The following ACTR3C variants were observed in gnomAD, a reference collection of about 807,000 sequenced individuals.
ACTR3C encodes actin related protein 3C.
Under a neutral mutation model 26.3 loss-of-function variants are expected in ACTR3C, and 18 were observed. That is an observed-to-expected ratio of 0.68 (90% CI 0.47 to 1.01). The LOEUF is 1.01. ACTR3C is among the 50% of genes least tolerant of loss of function. The probability of loss-of-function intolerance (pLI) is 0.00; values close to 1 mark genes in which losing one functional copy is unlikely to be tolerated. For missense variants in ACTR3C, 184 were observed against 250.7 expected (o/e 0.73, Z 1.80); for synonymous variants, 55 against 94.5 (o/e 0.58, Z 2.42).
the ACTR3C span, among the ~76,000 whole-genome samples, chr7:150,155,525 T>G: frequency 3.0e-4 from 46 of 152,122 alleles, no homozygotes; most frequent in Non-Finnish European, 6.5e-4. Flanking sequence ...ACACACAACG[T>G]TTACATAAGT....
chr7:150,187,083 A>G, the ACTR3C span, among the ~76,000 whole-genome samples: 1 of 151,870 alleles, frequency 6.6e-6, no homozygotes, highest in South Asian at 2.1e-4. Context: ...CAGGAACACA[A>G]TATGAGCAAT....
the ACTR3C span, among the ~76,000 whole-genome samples, chr7:150,143,381 C>T: frequency 3.3e-5 from 5 of 152,202 alleles, no homozygotes; most frequent in African/African-American, 1.2e-4. Flanking sequence ...CCCCTATTGT[C>T]GTGGGGGAAT....
downstream of ACTR3C, chr7:150,244,519 T>C (rs886776433): frequency 2.6e-5 from 4 of 151,964 alleles, no homozygotes; most frequent in African/African-American, 9.7e-5. Flanking sequence ...TGTTAGTCAA[T>C]GTTCTTGCAA....
chr7:149,932,699 G>C, the ACTR3C span, among the ~76,000 whole-genome samples: 4 of 133,744 alleles, frequency 3.0e-5, no homozygotes, highest in Non-Finnish European at 6.3e-5. Context: ...GGGAGAGAGA[G>C]AAAGAGAAGG....
the ACTR3C span, among the ~76,000 whole-genome samples, chr7:150,096,701 C>T: frequency 2.6e-5 from 4 of 151,884 alleles, no homozygotes; most frequent in Non-Finnish European, 5.9e-5. Flanking sequence ...TCATGGTTCC[C>T]TTTACTTACA....
At chr7:150,049,090 G>T in the ACTR3C span, among the ~76,000 whole-genome samples, 1 of 151,610 alleles carries the variant, frequency 6.6e-6, no homozygotes, top group Non-Finnish European at 1.5e-5. Context: ...TCCACTCGCC[G>T]CGCGCTCTCG....
In ACTR3C at chr7:150,302,651, A is replaced by G. The variant is rs181037816; in HGVS notation, c.-51-7304T>C. On this transcript the variant is annotated intron_variant, in intron 1 of 7. Coordinates refer to ENST00000683684, the MANE Select transcript of ACTR3C (RefSeq NM_001164458.2). The stretch of plus-strand genomic sequence containing the variant: ...TGTCAACAGTACCTATGTTAATGTG[A>G]TAAGACTATAAAAATCCCACAGATA... 5.9e-5 allele frequency among the ~76,000 whole-genome samples: 9 copies of G among 152,304 alleles called. No homozygotes were observed. The East Asian group carries it at 1.5e-3, about 26-fold the overall frequency.
chr7:150,158,906 CGCACACACACGT>C, the ACTR3C span, among the ~76,000 whole-genome samples: 49 of 150,660 alleles, frequency 3.3e-4, no homozygotes, highest in South Asian at 8.8e-3. Flanking sequence ...CACACACGTG[CGCACACACACGT>C]GCACACACAT....
chr7:150,139,111 A>C, the ACTR3C span, among the ~76,000 whole-genome samples: 1 of 152,272 alleles, frequency 6.6e-6, no homozygotes, highest in South Asian at 2.1e-4. Flanking sequence ...ATGTGCTTGA[A>C]TCATCCTGAA....
At chr7:150,010,896 G>T in the ACTR3C span, among the ~76,000 whole-genome samples, 1 of 147,258 alleles carries the variant, frequency 6.8e-6, no homozygotes, top group South Asian at 2.3e-4. Flanking sequence ...GCTCACCACA[G>T]TGCCCTTCCT....
At chr7:150,120,543 C>A in the ACTR3C span, among the ~76,000 whole-genome samples, 1 of 152,048 alleles carries the variant, frequency 6.6e-6, no homozygotes, top group East Asian at 1.9e-4. Context: ...ACAAAGAAGT[C>A]AAATCTCTGA....
At chr7:149,992,318 T>C in the ACTR3C span, among the ~76,000 whole-genome samples, 1 of 152,234 alleles carries the variant, frequency 6.6e-6, no homozygotes, top group Non-Finnish European at 1.5e-5. Context: ...TTGTTAATCA[T>C]GAAAACACCT....
chr7:150,306,642 T>C (rs1003898212), intron 1 of ACTR3C, among the ~76,000 whole-genome samples: 5 of 151,864 alleles, frequency 3.3e-5, no homozygotes. Flanking sequence ...AGCCCAGGAG[T>C]TTGAGGCCAG....
the ACTR3C span, among the ~76,000 whole-genome samples, chr7:150,073,084 G>A: frequency 6.6e-6 from 1 of 152,270 alleles, no homozygotes; most frequent in Admixed American, 6.5e-5. Flanking sequence ...CTGAAGCGAT[G>A]GTGTTAGGAG....
At chr7:149,983,863 A>G in the ACTR3C span, among the ~76,000 whole-genome samples, 2 of 152,172 alleles carry the variant, frequency 1.3e-5, no homozygotes, top group Non-Finnish European at 2.9e-5. Flanking sequence ...GGTAAGTGAA[A>G]TGAACCAATC....
the ACTR3C span, among the ~76,000 whole-genome samples, chr7:150,055,750 T>C: frequency 6.6e-6 from 1 of 152,202 alleles, no homozygotes; most frequent in African/African-American, 2.4e-5. Flanking sequence ...CTTTCCCATC[T>C]TGCCAGAACA....
At chr7:150,147,281 C>A in the ACTR3C span, among the ~76,000 whole-genome samples, 1 of 152,034 alleles carries the variant, frequency 6.6e-6, no homozygotes, top group Non-Finnish European at 1.5e-5. Context: ...AAAAATGTTC[C>A]TAGCTTTAAG....
the ACTR3C span, among the ~76,000 whole-genome samples, chr7:149,903,903 G>GGTTGTT: frequency 1.2e-4 from 6 of 49,574 alleles, no homozygotes; most frequent in African/African-American, 4.0e-4. Flanking sequence ...TGTTGTTGCT[G>GGTTGTT]GTTGTTGTTG....
chr7:149,983,005 T>G, the ACTR3C span, among the ~76,000 whole-genome samples: 7 of 152,170 alleles, frequency 4.6e-5, no homozygotes, highest in Non-Finnish European at 8.8e-5. Context: ...TTATAGTTAG[T>G]GCCAATAATA....
Sources: gnomAD v4.1 joint callset for allele counts (sites outside exome capture counted in the v4.1 genomes callset) on GRCh38, gnomAD v4.1.1 for gene constraint, MANE v1.5 for transcripts, NCBI Gene and HGNC (gene_info 2026-07-23, HGNC 2026-07-21) for gene names.